The following HPSE2 variants were observed in gnomAD, a reference collection of about 807,000 sequenced individuals.
HPSE2 encodes the protein heparanase 2 (inactive).
A neutral mutation model predicts 60.5 loss-of-function variants in HPSE2; 38 were observed. That is an observed-to-expected ratio of 0.63 (90% CI 0.48 to 0.82). HPSE2 has a LOEUF of 0.82. Ranked by LOEUF, HPSE2 falls within the 40% of genes least tolerant of loss-of-function variation. HPSE2 has a pLI of 0.00. For missense variants in HPSE2, 713 were observed against 740.4 expected (o/e 0.96, Z 0.43); for synonymous variants, 295 against 293.2 (o/e 1.01, Z -0.06).
At chr10:98,963,034 T>A (rs1020870679) in intron 3 of HPSE2, among the ~76,000 whole-genome samples, 6 of 152,164 alleles carry the variant, frequency 3.9e-5, no homozygotes, top group African/African-American at 1.4e-4. Flanking sequence ...TTGATTCACC[T>A]CCATCCCACC....
chr10:99,223,872 G>A (rs1849390189), intron 2 of HPSE2, among the ~76,000 whole-genome samples: 1 of 152,106 alleles, frequency 6.6e-6, no homozygotes. Flanking sequence ...ATGAAAGATG[G>A]AATTTGAGCA....
chr10:98,563,588 T>TA (rs1223903279), intron 9 of HPSE2, among the ~76,000 whole-genome samples: 2 of 152,198 alleles, frequency 1.3e-5, no homozygotes, highest in Admixed American at 6.5e-5. Context: ...AAAGCCATTA[T>TA]AAAAAAGATG....
intron 3 of HPSE2, among the ~76,000 whole-genome samples, chr10:98,943,948 T>C (rs1286723917): frequency 6.6e-6 from 1 of 152,198 alleles, no homozygotes; most frequent in Non-Finnish European, 1.5e-5. Context: ...TGAATGTTTG[T>C]AGTTTAAGCC....
At chr10:99,018,084 G>A (rs1171061741) in intron 3 of HPSE2, among the ~76,000 whole-genome samples, 4 of 152,178 alleles carry the variant, frequency 2.6e-5, no homozygotes, top group Non-Finnish European at 5.9e-5. Context: ...TCATCAGTAG[G>A]AATCTGTTCC....
At chr10:98,965,574 C>T (rs796316794) in intron 3 of HPSE2, among the ~76,000 whole-genome samples, 5 of 152,252 alleles carry the variant, frequency 3.3e-5, no homozygotes, top group South Asian at 4.1e-4. Context: ...GTCCAACTCC[C>T]GTATTCACTT....
At chr10:99,188,359 T>C (rs1848104283) in intron 2 of HPSE2, among the ~76,000 whole-genome samples, 2 of 152,168 alleles carry the variant, frequency 1.3e-5, no homozygotes, top group South Asian at 4.1e-4. Flanking sequence ...TAGTAGCTAA[T>C]GAATGAACAT....
intron 6 of HPSE2, among the ~76,000 whole-genome samples, chr10:98,682,830 A>G (rs1947820202): frequency 6.6e-6 from 1 of 152,200 alleles, no homozygotes; most frequent in Non-Finnish European, 1.5e-5. Context: ...GAGACAAAAA[A>G]GTTGGGAAAC....
At chr10:99,223,800 A>G (rs1220932015) in intron 2 of HPSE2, among the ~76,000 whole-genome samples, 1 of 152,142 alleles carries the variant, frequency 6.6e-6, no homozygotes, top group Admixed American at 6.5e-5. Context: ...TATTCAGAAA[A>G]GAATTTTAGA....
At chr10:98,864,044 T>C (rs1271386273) in intron 3 of HPSE2, among the ~76,000 whole-genome samples, 8 of 152,160 alleles carry the variant, frequency 5.3e-5, no homozygotes, top group Non-Finnish European at 1.0e-4. Flanking sequence ...AAAAAACGTC[T>C]TCTAATTCTG....
At chr10:98,533,954 T>C (rs542608028) in intron 9 of HPSE2, among the ~76,000 whole-genome samples, 2 of 152,316 alleles carry the variant, frequency 1.3e-5, no homozygotes, top group South Asian at 4.1e-4. Context: ...TAACCAGACT[T>C]TTTGTTGGTA....
At chr10:98,619,478 A>G (rs1463389794) in intron 8 of HPSE2, among the ~76,000 whole-genome samples, 2 of 152,154 alleles carry the variant, frequency 1.3e-5, no homozygotes, top group Non-Finnish European at 2.9e-5. Flanking sequence ...CAGATTCTCC[A>G]GATTTTTTTT....
chr10:98,697,412 T>G (rs1198691914), intron 5 of HPSE2, among the ~76,000 whole-genome samples: 1 of 152,108 alleles, frequency 6.6e-6, no homozygotes, highest in Admixed American at 6.6e-5. Flanking sequence ...ATATCAGAGT[T>G]TGAAGACCAT....
intron 3 of HPSE2, among the ~76,000 whole-genome samples, chr10:98,939,105 C>T (rs1484052194): frequency 7.0e-6 from 1 of 143,866 alleles, no homozygotes. Flanking sequence ...TGGAAAGGAA[C>T]AACCAGTTCC....
intron 9 of HPSE2, among the ~76,000 whole-genome samples, chr10:98,550,626 C>T (rs1943834538): frequency 6.6e-6 from 1 of 152,072 alleles, no homozygotes; most frequent in Non-Finnish European, 1.5e-5. Flanking sequence ...CGCCACCACG[C>T]CTGGCTAATT....
intron 3 of HPSE2, among the ~76,000 whole-genome samples, chr10:98,828,716 C>T (rs1951611270): frequency 6.6e-6 from 1 of 152,128 alleles, no homozygotes; most frequent in African/African-American, 2.4e-5. Context: ...AGGTAAGTGT[C>T]GGCTGGTAAG....
chr10:98,579,542 G>GA (rs761444252), intron 9 of HPSE2, among the ~76,000 whole-genome samples: 1 of 152,168 alleles, frequency 6.6e-6, no homozygotes, highest in African/African-American at 2.4e-5. Flanking sequence ...CACTTTGTAA[G>GA]AGGAGGTCAT....
chr10:98,856,626 A>C (rs1952322117), intron 3 of HPSE2, among the ~76,000 whole-genome samples: 1 of 152,194 alleles, frequency 6.6e-6, no homozygotes, highest in Non-Finnish European at 1.5e-5. Context: ...AATCTTTCAG[A>C]ATATGAATAA....
intron 3 of HPSE2, among the ~76,000 whole-genome samples, chr10:99,114,000 C>A (rs2135687813): frequency 6.6e-6 from 1 of 152,230 alleles, no homozygotes; most frequent in East Asian, 1.9e-4. Context: ...TTTCAAAAAT[C>A]CCTTTACTTT....
chr10:98,519,227 C>T (rs1460631280), intron 9 of HPSE2, among the ~76,000 whole-genome samples: 1 of 152,198 alleles, frequency 6.6e-6, no homozygotes, highest in African/African-American at 2.4e-5. Flanking sequence ...TGCTGAGCAC[C>T]TGTGATATAT....
Sources: allele counts gnomAD v4.1 joint callset (sites outside exome capture counted in the v4.1 genomes callset), GRCh38; gene constraint gnomAD v4.1.1; transcripts MANE v1.5; gene names NCBI Gene and HGNC (gene_info 2026-07-23, HGNC 2026-07-21).